Variants in NXPE2 observed in about 807,000 individuals in gnomAD.
The protein encoded by NXPE2 is neurexophilin and PC-esterase domain family member 2, also known as NXPE family member 2.
In NXPE2, 34 loss-of-function variants were observed where a neutral mutation model predicts 34.4. The observed-to-expected ratio is 0.99, with a 90% confidence interval of 0.75 to 1.31. The LOEUF is 1.31. NXPE2 is among the 40% of genes most tolerant of loss of function. The pLI, the probability that NXPE2 is intolerant of heterozygous loss-of-function variation, is 0.00. For synonymous variants in NXPE2, 235 were observed against 231.3 expected (o/e 1.02, Z -0.15); for missense variants, 649 against 672.5 (o/e 0.97, Z 0.39).
the NXPE2 span, among the ~76,000 whole-genome samples, chr11:114,481,332 A>G: frequency 6.6e-6 from 1 of 152,208 alleles, no homozygotes; most frequent in East Asian, 1.9e-4. Flanking sequence ...ACAGAGAAGG[A>G]ACTCATCTCA....
the NXPE2 span, among the ~76,000 whole-genome samples, chr11:114,630,314 C>G: frequency 1.3e-5 from 2 of 151,660 alleles, no homozygotes; most frequent in African/African-American, 2.4e-5. Flanking sequence ...GGTACTGGTA[C>G]CAAAATAGAG....
intron 2 of NXPE2, among the ~76,000 whole-genome samples, chr11:114,689,435 G>A (rs1240737942): frequency 6.6e-6 from 1 of 151,920 alleles, no homozygotes; most frequent in Non-Finnish European, 1.5e-5. Flanking sequence ...TTATTCCATT[G>A]TGGTCTGAGT....
At chr11:114,521,065 G>A in the NXPE2 span, among the ~76,000 whole-genome samples, 1 of 152,140 alleles carries the variant, frequency 6.6e-6, no homozygotes, top group Admixed American at 6.5e-5. Flanking sequence ...GTTTTTAAAT[G>A]GTGCTTTCCT....
At chr11:114,499,896 C>A in the NXPE2 span, among the ~76,000 whole-genome samples, 1 of 151,570 alleles carries the variant, frequency 6.6e-6, no homozygotes, top group Admixed American at 6.6e-5. Flanking sequence ...TGGCTTCTTT[C>A]CCTCAGCAAA....
chr11:114,499,984 C>T, the NXPE2 span, among the ~76,000 whole-genome samples: 2,484 of 151,636 alleles, frequency 0.016, 47 homozygotes, highest in African/African-American at 0.054. Flanking sequence ...GAGTAGCATT[C>T]CATGGTATGA....
chr11:114,705,458 C>T lies in NXPE2; in HGVS notation c.929-323C>T, dbSNP rs186613200. ...GCAGGGCCACTGTGCCCTGCTATTT[C>T]ACGGCCACACATTTCCTCCTGACTC... On this transcript the variant is annotated intron_variant, in intron 4 of 5. Coordinates refer to ENST00000389586, the MANE Select transcript of NXPE2 (RefSeq NM_182495.6). Among the ~76,000 whole-genome samples the T allele has an allele frequency of 1.2e-3, 190 of 152,326 alleles. 1 individual carries two copies. Among genetic ancestry groups the T allele is most frequent in the Non-Finnish European group, 2.0e-3 (135 of 68,032 alleles).
chr11:114,576,407 A>G, the NXPE2 span, among the ~76,000 whole-genome samples: 95 of 152,356 alleles, frequency 6.2e-4, no homozygotes, highest in Non-Finnish European at 1.2e-3. Context: ...AGCAGAGTTA[A>G]CAGACAACTC....
chr11:114,770,418 T>G, the NXPE2 span, among the ~76,000 whole-genome samples: 1 of 152,260 alleles, frequency 6.6e-6, no homozygotes, highest in Non-Finnish European at 1.5e-5. Flanking sequence ...TGAGTGTGCA[T>G]GATGCTTCCT....
At chr11:114,597,694 T>G in the NXPE2 span, among the ~76,000 whole-genome samples, 2 of 152,000 alleles carry the variant, frequency 1.3e-5, no homozygotes, top group Non-Finnish European at 2.9e-5. Context: ...TCAGGGGATA[T>G]GAAATGAGCC....
chr11:114,635,933 G>A, the NXPE2 span, among the ~76,000 whole-genome samples: 5 of 151,846 alleles, frequency 3.3e-5, no homozygotes, highest in Admixed American at 1.3e-4. Flanking sequence ...TCTCTTTTTT[G>A]GTGGTTTCTC....
the NXPE2 span, among the ~76,000 whole-genome samples, chr11:114,808,103 T>C: frequency 6.6e-6 from 1 of 152,106 alleles, no homozygotes; most frequent in African/African-American, 2.4e-5. Flanking sequence ...ACTGGGTAAA[T>C]AATGAAATGA....
At chr11:114,602,697 TATA>T in the NXPE2 span, among the ~76,000 whole-genome samples, 129 of 138,654 alleles carry the variant, frequency 9.3e-4, 1 homozygote, top group East Asian at 0.026. Context: ...TTATCTCATA[TATA>T]ATAATTACAG....
the NXPE2 span, among the ~76,000 whole-genome samples, chr11:114,469,614 T>A: frequency 2.6e-5 from 4 of 151,690 alleles, no homozygotes; most frequent in African/African-American, 9.7e-5. Flanking sequence ...CTCAGCCTCC[T>A]GAGTAGCTGG....
chr11:114,771,998 A>C, the NXPE2 span, among the ~76,000 whole-genome samples: 1 of 152,220 alleles, frequency 6.6e-6, no homozygotes, highest in Non-Finnish European at 1.5e-5. Flanking sequence ...GGGTGGTAGC[A>C]GGGGAAGAGA....
At chr11:114,669,750 C>A in the NXPE2 span, among the ~76,000 whole-genome samples, 4 of 151,946 alleles carry the variant, frequency 2.6e-5, no homozygotes, top group African/African-American at 9.7e-5. Context: ...AGGGCACTGA[C>A]TTTATTTGGA....
At chr11:114,688,525 G>A (rs1951088188) in intron 2 of NXPE2, among the ~76,000 whole-genome samples, 2 of 151,954 alleles carry the variant, frequency 1.3e-5, no homozygotes, top group South Asian at 4.1e-4. Flanking sequence ...ATATTCATCA[G>A]AAATATTTGT....
At chr11:114,511,975 C>A in the NXPE2 span, among the ~76,000 whole-genome samples, 4 of 152,172 alleles carry the variant, frequency 2.6e-5, no homozygotes, top group African/African-American at 9.7e-5. Context: ...TTACAAATTA[C>A]CCACTCTTGG....
chr11:114,757,238 A>G, the NXPE2 span, among the ~76,000 whole-genome samples: 2 of 152,134 alleles, frequency 1.3e-5, no homozygotes, highest in South Asian at 2.1e-4. Context: ...TTCCAAGACT[A>G]TATCAACTAA....
chr11:114,633,929 G>T, the NXPE2 span, among the ~76,000 whole-genome samples: 1 of 151,994 alleles, frequency 6.6e-6, no homozygotes, highest in African/African-American at 2.4e-5. Context: ...ACATATGTGT[G>T]CATGTGTCTT....
Sources: gnomAD v4.1 joint callset for allele counts (sites outside exome capture counted in the v4.1 genomes callset) on GRCh38, gnomAD v4.1.1 for gene constraint, MANE v1.5 for transcripts, NCBI Gene and HGNC (gene_info 2026-07-23, HGNC 2026-07-21) for gene names.